Variants in CNOT6 observed in about 807,000 individuals in gnomAD.
CNOT6 encodes carbon catabolite repression 4 protein.
Under a neutral mutation model 61.2 loss-of-function variants are expected in CNOT6, and 12 were observed. The observed-to-expected ratio is 0.20, with a 90% CI of 0.13 to 0.32. CNOT6 has a LOEUF of 0.32. CNOT6 is among the 10% of genes least tolerant of loss of function. The probability of loss-of-function intolerance (pLI) is 1.00; values close to 1 mark genes in which losing one functional copy is unlikely to be tolerated. For missense variants in CNOT6, 405 were observed against 663.9 expected, an observed-to-expected ratio of 0.61 and a Z score of 4.28; for synonymous variants, 225 against 240.6, an observed-to-expected ratio of 0.94 and a Z score of 0.60.
chr5:180,568,951 C>G (rs1367743333), intron 9 of CNOT6, among the ~76,000 whole-genome samples, 159 bp from the exon 10 acceptor site: 1 of 152,154 alleles, frequency 6.6e-6, no homozygotes, highest in Admixed American at 6.5e-5. Context: ...GTGTATTTCT[C>G]GGGTTTGTTG....
Position 180,553,452 on chromosome 5 carries a change from G to A in CNOT6, c.366G>A (p.Leu122=). ...LPFELGKLFQ[L]QTLGLKGNPL... is the part of the protein sequence containing the mutation. ...TTGAGCTGGGAAAACTGTTTCAGTT[G>A]CAGACTTTAGGCCTGAAAGGTATGA... Residue 122 remains leucine, a synonymous_variant, in exon 4 of 12, where the codon TTG becomes TTA. Coordinates refer to ENST00000261951, the MANE Select transcript of CNOT6 (RefSeq NM_001370472.1). 1 of 1,613,468 alleles carries A rather than the reference G, an allele frequency of 6.2e-7. No individual in the cohort carries two copies. Among genetic ancestry groups the A allele is most frequent in the South Asian group, 1.1e-5 (1 of 91,056 alleles).
At chr5:180,551,084 C>T (rs1230678731) in intron 3 of CNOT6, among the ~76,000 whole-genome samples, 4 of 151,752 alleles carry the variant, frequency 2.6e-5, no homozygotes, top group African/African-American at 7.3e-5. Context: ...TGGTTCATGT[C>T]TGTAATCCCA....
chr5:180,535,323 T>A (rs1177136068), intron 2 of CNOT6, among the ~76,000 whole-genome samples: 1 of 152,200 alleles, frequency 6.6e-6, no homozygotes, highest in Non-Finnish European at 1.5e-5. Flanking sequence ...CGCCCTCCCG[T>A]GTTTTGGAAT....
intron 2 of CNOT6, among the ~76,000 whole-genome samples, chr5:180,531,277 C>T (rs1439457558): frequency 1.3e-5 from 2 of 149,338 alleles, no homozygotes; most frequent in African/African-American, 2.5e-5. Flanking sequence ...ACGGGGTGGC[C>T]GGTCAGAGAC....
intron 2 of CNOT6, among the ~76,000 whole-genome samples, chr5:180,539,055 G>A (rs776215782): frequency 3.3e-5 from 5 of 151,354 alleles, no homozygotes; most frequent in African/African-American, 4.9e-5. Context: ...TGTGCCAGTA[G>A]TCCCTGCTGC....
chr5:180,562,246 C>CA (rs1470767019), intron 4 of CNOT6, among the ~76,000 whole-genome samples: 1 of 152,146 alleles, frequency 6.6e-6, no homozygotes, highest in East Asian at 1.9e-4. Flanking sequence ...ACATAATATA[C>CA]AGTGCTTTTA....
intron 2 of CNOT6, among the ~76,000 whole-genome samples, chr5:180,532,709 C>T (rs1758455620): frequency 6.6e-6 from 1 of 152,204 alleles, no homozygotes; most frequent in Non-Finnish European, 1.5e-5. Flanking sequence ...CCCTCTCCCA[C>T]TTCTATCACC....
intron 1 of CNOT6, among the ~76,000 whole-genome samples, chr5:180,517,589 G>A (rs376285716): frequency 3.3e-5 from 5 of 151,336 alleles, no homozygotes; most frequent in African/African-American, 1.2e-4. Flanking sequence ...CTTTTGCCAG[G>A]CTGGAGTGCA....
chr5:180,527,900 C>T (rs192549568), intron 1 of CNOT6, among the ~76,000 whole-genome samples: 36 of 152,324 alleles, frequency 2.4e-4, no homozygotes, highest in East Asian at 1.7e-3. Context: ...CACAAACCCT[C>T]TTGTGAACTG....
intron 10 of CNOT6, 84 bp from the exon 11 acceptor site, chr5:180,571,146 G>T (rs573095566): frequency 1.1e-6 from 1 of 942,080 alleles, no homozygotes; most frequent in South Asian, 1.6e-5. Flanking sequence ...AATATGTATA[G>T]TTTAAAACTT....
chr5:180,505,251 A>ATT (rs70973919), intron 1 of CNOT6, among the ~76,000 whole-genome samples: 5,262 of 60,404 alleles, frequency 0.087, 937 homozygotes, highest in Non-Finnish European at 0.11. Context: ...GTAATAGTTA[A>ATT]TTTTTTTTTT....
At chr5:180,527,474 A>G (rs1328348599) in intron 1 of CNOT6, among the ~76,000 whole-genome samples, 2 of 152,238 alleles carry the variant, frequency 1.3e-5, no homozygotes, top group Non-Finnish European at 2.9e-5. Flanking sequence ...TAGTTACTAC[A>G]TAAGCAAGTG....
At chr5:180,510,298 A>G (rs1461399007) in intron 1 of CNOT6, among the ~76,000 whole-genome samples, 2 of 151,740 alleles carry the variant, frequency 1.3e-5, no homozygotes, top group Non-Finnish European at 2.9e-5. Flanking sequence ...CCGAGTAGCC[A>G]GGACTTCTAT....
intron 1 of CNOT6, among the ~76,000 whole-genome samples, chr5:180,498,765 T>C (rs967094995): frequency 6.6e-6 from 1 of 152,176 alleles, no homozygotes; most frequent in Non-Finnish European, 1.5e-5. Flanking sequence ...CCTACAAGTG[T>C]ATATTTGAGA....
intron 4 of CNOT6, 121 bp from the exon 5 acceptor site, chr5:180,564,368 T>G: frequency 1.7e-6 from 1 of 576,040 alleles, no homozygotes; most frequent in Non-Finnish European, 3.1e-6. Context: ...TTTTCTATAG[T>G]CTGACATCTT....
chr5:180,553,675 C>T (rs767164256), intron 4 of CNOT6, among the ~76,000 whole-genome samples: 3 of 151,678 alleles, frequency 2.0e-5, no homozygotes, highest in Non-Finnish European at 2.9e-5. Context: ...TTTTTTGCTC[C>T]GGACCCAGCC....
At chr5:180,549,800 T>TTAACC (rs1212258698) in intron 2 of CNOT6, 131 bp from the exon 3 acceptor site, 2 of 641,954 alleles carry the variant, frequency 3.1e-6, no homozygotes, top group African/African-American at 3.6e-5. Flanking sequence ...AGATTTCCTG[T>TTAACC]TAACCCCTTC....
chr5:180,561,356 T>G (rs377081738), intron 4 of CNOT6, among the ~76,000 whole-genome samples: 2 of 144,748 alleles, frequency 1.4e-5, no homozygotes, highest in Admixed American at 6.9e-5. Flanking sequence ...CTTGTGTGTT[T>G]TGTGTGTGTG....
chr5:180,547,936 G>A (rs1759399234), intron 2 of CNOT6, among the ~76,000 whole-genome samples: 1 of 152,122 alleles, frequency 6.6e-6, no homozygotes, highest in Admixed American at 6.5e-5. Context: ...GTTTCACCGT[G>A]TTGGCCAGGC....
Sources: gnomAD v4.1 joint callset for allele counts (sites outside exome capture counted in the v4.1 genomes callset) on GRCh38, gnomAD v4.1.1 for gene constraint, MANE v1.5 for transcripts, NCBI Gene and HGNC (gene_info 2026-07-23, HGNC 2026-07-21) for gene names.